Variants in MGST1 observed in about 807,000 individuals in gnomAD.
The protein encoded by MGST1 is microsomal glutathione S-transferase 1.
In MGST1, 5 loss-of-function variants were observed where a neutral mutation model predicts 8.9. The ratio of observed to expected loss-of-function variants is 0.56; its 90% CI spans 0.29 to 1.19. The LOEUF (loss-of-function observed/expected upper bound fraction) is 1.19, where lower values mean the gene tolerates loss of function less well. Among genes scored for constraint, MGST1 ranks in the 50% most tolerant of loss-of-function variants. The pLI is 0.08. For missense variants in MGST1, 182 were observed against 187.4 expected (o/e 0.97, Z 0.17); for synonymous variants, 54 against 67.8 (o/e 0.80, Z 1.00).
At chr12:16,352,520 T>C (rs1357597841) in intron 1 of MGST1, among the ~76,000 whole-genome samples, 1 of 152,146 alleles carries the variant, frequency 6.6e-6, no homozygotes, top group African/African-American at 2.4e-5. Flanking sequence ...GAGAAGTAGA[T>C]AGCAGGGCTG....
rs1036571343 is a variant in MGST1 at position 16,431,533 on chromosome 12, TAAG to T, written n.779-5850_779-5848del. Among the ~76,000 whole-genome samples the T allele has an allele frequency of 5.9e-5, 9 of 152,120 alleles. No homozygotes were observed. The South Asian group carries it at 1.5e-3, about 25-fold the overall frequency. ...TATTTCAATATTGTGTTTCATGCCC[TAAG>T]AAGAGGGAGGGATATGGGGAGATGG... On this transcript the variant is annotated intron_variant and non_coding_transcript_variant, in intron 1 of 1. Coordinates refer to the MGST1 transcript ENST00000359720.
At chr12:16,502,087 T>C (rs1451273126) in intron 4 of MGST1, among the ~76,000 whole-genome samples, 1 of 152,232 alleles carries the variant, frequency 6.6e-6, no homozygotes, top group African/African-American at 2.4e-5. Context: ...GTTTATTTTA[T>C]ATGATTGTCG....
intron 4 of MGST1, chr12:16,550,996 C>G (rs140991956): frequency 2.4e-6 from 1 of 423,698 alleles, no homozygotes; most frequent in African/African-American, 2.0e-5. Flanking sequence ...GCAAAAAAAT[C>G]CAGCCATATG....
rs1375575052 is a variant in MGST1 at position 16,587,549 on chromosome 12, T to C, written n.483-1979T>C. ...CTGGCCTTGAGTTTTGGCCCCTTAA[T>C]AGTAGCCTACATGGTTGACTACCCT... On this transcript the variant is annotated intron_variant and non_coding_transcript_variant, in intron 4 of 4. Coordinates refer to the MGST1 transcript ENST00000538857. The surrounding 1 kb of genome is among the most constrained non-coding windows in gnomAD (Gnocchi z 4.3). Among the ~76,000 whole-genome samples the C allele has an allele frequency of 2.0e-5, 3 of 152,158 alleles. No homozygotes were observed. Among genetic ancestry groups the C allele is most frequent in the African/African-American group, 4.8e-5 (2 of 41,458 alleles).
chr12:16,460,061 T>C (rs942898092), intron 4 of MGST1, among the ~76,000 whole-genome samples: 1 of 152,104 alleles, frequency 6.6e-6, no homozygotes, highest in Non-Finnish European at 1.5e-5. Context: ...TAGAACATAC[T>C]CTTATAGGAA....
chr12:16,427,809 A>T (rs1254470140), intron 1 of MGST1, among the ~76,000 whole-genome samples: 2 of 151,954 alleles, frequency 1.3e-5, no homozygotes, highest in Admixed American at 6.5e-5. Flanking sequence ...TAAAAAACTT[A>T]TTTTTTTAAT....
chr12:16,523,886 C>A (rs1033584750), intron 4 of MGST1, among the ~76,000 whole-genome samples: 1 of 152,062 alleles, frequency 6.6e-6, no homozygotes, highest in African/African-American at 2.4e-5. Context: ...GGTGAAGTAA[C>A]TACTTTGGAA....
chr12:16,590,466 T>C (rs1437246852), downstream of MGST1, among the ~76,000 whole-genome samples: 1 of 152,086 alleles, frequency 6.6e-6, no homozygotes, highest in Non-Finnish European at 1.5e-5. Context: ...GATAATTAAA[T>C]AGGGCTTGGC....
chr12:16,390,879 G>A (rs1211726301), intron 1 of MGST1, among the ~76,000 whole-genome samples: 3 of 151,970 alleles, frequency 2.0e-5, no homozygotes, highest in East Asian at 1.9e-4. Flanking sequence ...TTGAGGAAGC[G>A]CCACACTTCT....
rs1420577888 is a variant in MGST1, at chr12:16,413,566, G to C, written n.779-23822G>C. ...AGATGGTGAAATACCCATCACACCT[G>C]ATTCCCTTTTATCCCCTCCCCAGGT... is the stretch of plus-strand genomic sequence containing the variant. On this transcript the variant is annotated intron_variant and non_coding_transcript_variant, in intron 1 of 1. Coordinates refer to the MGST1 transcript ENST00000359720. This position sits in a 1 kb window ranked among gnomAD's most constrained non-coding sequence, Gnocchi z 4.0. Among the ~76,000 whole-genome samples the C allele has an allele frequency of 6.6e-6, 1 of 152,142 alleles. No homozygotes were observed. Among genetic ancestry groups the C allele is most frequent in the Non-Finnish European group, 1.5e-5 (1 of 68,008 alleles).
intron 1 of MGST1, among the ~76,000 whole-genome samples, chr12:16,420,909 C>T (rs774728439): frequency 6.6e-6 from 1 of 152,058 alleles, no homozygotes; most frequent in Non-Finnish European, 1.5e-5. Context: ...ACAGCTCCTC[C>T]GGCATTCGGA....
At chr12:16,360,846 G>A (rs532566249) in intron 3 of MGST1, among the ~76,000 whole-genome samples, 1 of 152,270 alleles carries the variant, frequency 6.6e-6, no homozygotes, top group African/African-American at 2.4e-5. Flanking sequence ...ACTGGATGAT[G>A]TCCCTCGTGG....
intron 1 of MGST1, among the ~76,000 whole-genome samples, chr12:16,416,632 C>G (rs374096470): frequency 1.3e-5 from 2 of 152,114 alleles, no homozygotes; most frequent in African/African-American, 2.4e-5. Flanking sequence ...ATCTAATTAC[C>G]TCCCAAAGGC....
intron 4 of MGST1, among the ~76,000 whole-genome samples, chr12:16,446,103 G>A (rs541179293): frequency 8.6e-5 from 13 of 151,978 alleles, no homozygotes; most frequent in Admixed American, 2.6e-4. Flanking sequence ...CCAGAGCACC[G>A]TTTGCTTTAT....
intron 1 of MGST1, among the ~76,000 whole-genome samples, chr12:16,434,492 T>C (rs1177889941): frequency 3.3e-5 from 5 of 151,722 alleles, no homozygotes; most frequent in Non-Finnish European, 5.9e-5. Context: ...ATGCTTCAAC[T>C]AGATTTGGCT....
In MGST1 at chr12:16,401,371, C is replaced by A. The variant is rs927237526; in HGVS notation, n.778+17767C>A. 61 of 1,175,844 alleles carry A rather than the reference C, an allele frequency of 5.2e-5. No homozygotes were observed. In the African/African-American group the frequency reaches 7.9e-4, roughly 15 times the overall value. The allele number at this position is 1,175,844 out of a possible 1,614,324, so 72.8% of individuals were successfully genotyped here. A position where few individuals can be genotyped will look rare whatever the true frequency, so the allele number is the denominator to read the frequency against. On this transcript the variant is annotated intron_variant and non_coding_transcript_variant, in intron 1 of 1. Coordinates refer to the MGST1 transcript ENST00000359720. This position sits in a 1 kb window ranked among gnomAD's most constrained non-coding sequence, Gnocchi z 4.3. The stretch of plus-strand genomic sequence containing the variant: ...GCTTTCATGGAATTCAATTCCCACC[C>A]CAAATCCTAGGTTTCTGGTAATTTT...
chr12:16,591,415 C>G (rs1438345352), downstream of MGST1, among the ~76,000 whole-genome samples: 1 of 152,026 alleles, frequency 6.6e-6, no homozygotes, highest in African/African-American at 2.4e-5. The surrounding 1 kb of genome is among the most constrained non-coding windows in gnomAD (Gnocchi z 4.1). Flanking sequence ...ACCTCTTGTA[C>G]TGCTTCATTT....
At chr12:16,521,334 C>T (rs975444758) in intron 4 of MGST1, among the ~76,000 whole-genome samples, 55 of 152,162 alleles carry the variant, frequency 3.6e-4, no homozygotes, top group African/African-American at 1.3e-3. Context: ...TTTGAACTTT[C>T]TACATAACAA....
chr12:16,550,327 T>C (rs574694182), intron 4 of MGST1: 2 of 152,536 alleles, frequency 1.3e-5, no homozygotes, highest in African/African-American at 4.8e-5. Context: ...CTCATAATTG[T>C]GGTAACAGAT....
Sources: gnomAD v4.1 joint callset for allele counts (sites outside exome capture counted in the v4.1 genomes callset) on GRCh38, gnomAD v4.1.1 for gene constraint, Gnocchi (gnomAD v3.1) non-coding constraint, MANE v1.5 for transcripts, NCBI Gene and HGNC (gene_info 2026-07-23, HGNC 2026-07-21) for gene names.